MSI2: variants seen among roughly 807,000 people sequenced by gnomAD.
The protein encoded by MSI2 is musashi RNA binding protein 2, also known as RNA-binding protein Musashi homolog 2.
A neutral mutation model predicts 45.6 loss-of-function variants in MSI2; 17 were observed. That is an observed-to-expected ratio of 0.37 (90% CI 0.26 to 0.56). MSI2 has a LOEUF of 0.56. Ranked by LOEUF, MSI2 falls within the 20% of genes least tolerant of loss-of-function variation. The pLI, the probability that MSI2 is intolerant of heterozygous loss-of-function variation, is 0.77. For synonymous variants in MSI2, 156 were observed against 158.2 expected (o/e 0.99, Z 0.11); for missense variants, 293 against 444.2 (o/e 0.66, Z 3.06).
intron 5 of MSI2, among the ~76,000 whole-genome samples, chr17:57,364,768 A>G (rs527322702): frequency 6.6e-6 from 1 of 152,228 alleles, no homozygotes; most frequent in South Asian, 2.1e-4. Flanking sequence ...TGTGATCCCA[A>G]GCTCCCTTTT....
intron 6 of MSI2, among the ~76,000 whole-genome samples, chr17:57,478,127 G>A (rs1166277404): frequency 2.0e-5 from 3 of 152,266 alleles, no homozygotes; most frequent in African/African-American, 4.8e-5. Context: ...CTTAGCAGAC[G>A]GTATGCCACA....
intron 8 of MSI2, among the ~76,000 whole-genome samples, chr17:57,612,553 C>CGACACAGCAAGACTCCGT (rs1907275587): frequency 2.6e-5 from 1 of 38,410 alleles, no homozygotes; most frequent in Non-Finnish European, 7.3e-5. Context: ...TGGCCCCTGG[C>CGACACAGCAAGACTCCGT]CTTGGGGAAC....
At chr17:57,582,839 C>T (rs1291971245) in intron 7 of MSI2, among the ~76,000 whole-genome samples, 1 of 152,096 alleles carries the variant, frequency 6.6e-6, no homozygotes, top group Non-Finnish European at 1.5e-5. Context: ...TGAATCTTTA[C>T]AGTTCTGTTT....
intron 10 of MSI2, among the ~76,000 whole-genome samples, chr17:57,647,826 G>A (rs1168582527): frequency 1.1e-4 from 17 of 151,924 alleles, no homozygotes; most frequent in Admixed American, 1.1e-3. Context: ...ATTTTTAGTA[G>A]AGACAGGGTT....
At chr17:57,291,206 T>G (rs1209381202) in intron 5 of MSI2, among the ~76,000 whole-genome samples, 1 of 152,146 alleles carries the variant, frequency 6.6e-6, no homozygotes, top group Non-Finnish European at 1.5e-5. Flanking sequence ...AACATCAAAA[T>G]GTTTGGGGAG....
At chr17:57,406,744 C>T (rs1425854561) in intron 6 of MSI2, 1 of 152,204 alleles carries the variant, frequency 6.6e-6, no homozygotes, top group Non-Finnish European at 1.5e-5. Flanking sequence ...TTGTTCCTGC[C>T]TTTTATTGTC....
intron 11 of MSI2, among the ~76,000 whole-genome samples, chr17:57,672,129 C>G (rs921041005): frequency 6.6e-6 from 1 of 152,164 alleles, no homozygotes; most frequent in Admixed American, 6.5e-5. Context: ...TGGGGGACAT[C>G]TGCAAGGTGA....
At chr17:57,508,806 G>C (rs1187033463) in intron 6 of MSI2, among the ~76,000 whole-genome samples, 1 of 152,234 alleles carries the variant, frequency 6.6e-6, no homozygotes, top group Non-Finnish European at 1.5e-5. Context: ...AGTGGGCTGT[G>C]CTGGGAGGCT....
intron 7 of MSI2, among the ~76,000 whole-genome samples, chr17:57,551,793 C>T (rs1051999664): frequency 3.3e-5 from 5 of 152,120 alleles, no homozygotes; most frequent in Non-Finnish European, 7.4e-5. Flanking sequence ...AGATCACGGG[C>T]GTGAAAGCTG....
At chr17:57,670,605 G>A (rs1459015228) in intron 11 of MSI2, among the ~76,000 whole-genome samples, 3 of 152,164 alleles carry the variant, frequency 2.0e-5, no homozygotes, top group African/African-American at 7.2e-5. Context: ...TCCTCTTGCC[G>A]TCCTCGGTGA....
intron 6 of MSI2, among the ~76,000 whole-genome samples, chr17:57,512,968 CTTTT>C (rs34727727): frequency 8.7e-6 from 1 of 114,716 alleles, no homozygotes; most frequent in Non-Finnish European, 1.7e-5. Flanking sequence ...TAGCTTCTTC[CTTTT>C]TTTTTTTTTT....
intron 6 of MSI2, among the ~76,000 whole-genome samples, chr17:57,483,827 C>T (rs1311471694): frequency 1.3e-5 from 2 of 152,150 alleles, no homozygotes; most frequent in Non-Finnish European, 2.9e-5. Flanking sequence ...CAATAGGAAG[C>T]CCCCAGGCAG....
chr17:57,500,226 T>C (rs2086072850), intron 6 of MSI2, among the ~76,000 whole-genome samples: 1 of 152,060 alleles, frequency 6.6e-6, no homozygotes. Context: ...GTAGTTTGCC[T>C]GCAGTCACTC....
intron 6 of MSI2, among the ~76,000 whole-genome samples, chr17:57,473,478 T>A (rs1046223255): frequency 1.3e-5 from 2 of 152,134 alleles, no homozygotes; most frequent in African/African-American, 2.4e-5. Context: ...CAAAAAGAAA[T>A]GAAAACAAAC....
chr17:57,453,505 G>A (rs762340677), intron 6 of MSI2, among the ~76,000 whole-genome samples: 6 of 152,100 alleles, frequency 3.9e-5, no homozygotes, highest in Non-Finnish European at 7.3e-5. Flanking sequence ...ACAGTATCAC[G>A]GAACACTTGG....
chr17:57,397,247 G>T (rs2083907684), intron 5 of MSI2, among the ~76,000 whole-genome samples: 1 of 152,164 alleles, frequency 6.6e-6, no homozygotes, highest in African/African-American at 2.4e-5. Flanking sequence ...GGGTAAAGAG[G>T]ATTTTTGTTT....
chr17:57,648,826 C>A (rs1420828302), intron 10 of MSI2, among the ~76,000 whole-genome samples: 3 of 152,196 alleles, frequency 2.0e-5, no homozygotes, highest in Admixed American at 2.0e-4. Context: ...CCCCTGCTTT[C>A]CCAAGGAAGT....
intron 6 of MSI2, among the ~76,000 whole-genome samples, chr17:57,443,380 G>A (rs1294337246): frequency 6.6e-6 from 1 of 152,170 alleles, no homozygotes; most frequent in Non-Finnish European, 1.5e-5. Flanking sequence ...GGACTTCCTG[G>A]CAGCTGTGCC....
At chr17:57,348,453 T>C (rs1384777609) in intron 5 of MSI2, among the ~76,000 whole-genome samples, 1 of 152,166 alleles carries the variant, frequency 6.6e-6, no homozygotes, top group Non-Finnish European at 1.5e-5. Context: ...TGGGAGGTAT[T>C]GGATCAAGGG....
Sources: gnomAD v4.1 joint callset for allele counts (sites outside exome capture counted in the v4.1 genomes callset) on GRCh38, gnomAD v4.1.1 for gene constraint, MANE v1.5 for transcripts, NCBI Gene and HGNC (gene_info 2026-07-23, HGNC 2026-07-21) for gene names.